CC2D2A: variants seen among roughly 807,000 people sequenced by gnomAD.
CC2D2A encodes coiled-coil and C2 domain-containing protein 2A.
Under a neutral mutation model 212.9 loss-of-function variants are expected in CC2D2A, and 155 were observed. The ratio of observed to expected loss-of-function variants is 0.73; its 90% confidence interval spans 0.64 to 0.83. The LOEUF is 0.83. Ranked by LOEUF, CC2D2A falls within the 40% of genes least tolerant of loss-of-function variation. CC2D2A has a pLI of 0.00. For synonymous variants in CC2D2A, 667 were observed against 686.5 expected, an observed-to-expected ratio of 0.97 and a Z score of 0.44; for missense variants, 1,856 against 1,956.2, an observed-to-expected ratio of 0.95 and a Z score of 0.97.
Position 15,478,754 on chromosome 4 carries a change from T to C in CC2D2A, c.71T>C (p.Met24Thr). 2 of 1,555,366 alleles carry C rather than the reference T, an allele frequency of 1.3e-6. No homozygotes were observed. The highest frequency in any genetic ancestry group is 2.4e-5 in the South Asian group (2 of 84,154). Reference protein sequence around the residue: ...EFIENDEDADMGRQNKNSKVR... With the variant: ...EFIENDEDADTGRQNKNSKVR... ...ATTGAAAATGATGAGGATGCAGACA[T>C]GGGAAGACAGAATAAGAACTCAAAG... Residue 24 changes from methionine (M) to threonine (T), a missense_variant, in exon 3 of 37, where the codon ATG becomes ACG. Met to Thr is a moderately conservative substitution (Grantham distance 81). Around this residue, in one of 5 missense-constraint regions of CC2D2A, gnomAD observed 1,512 missense variants for 1,579.3 expected, o/e 0.96. Transcript: ENST00000424120.
chr4:15,528,503 T>C (rs997358525), intron 12 of CC2D2A, 117 bp from the exon 13 acceptor site: 62 of 700,442 alleles, frequency 8.9e-5, no homozygotes, highest in Non-Finnish European at 1.5e-5. Flanking sequence ...TGCTTGAACA[T>C]CCGTTCCATT....
At chr4:15,514,523 A>AT (rs1195468031) in intron 8 of CC2D2A, among the ~76,000 whole-genome samples, 184 bp from the exon 9 acceptor site, 2 of 152,182 alleles carry the variant, frequency 1.3e-5, no homozygotes, top group African/African-American at 4.8e-5. Context: ...CTGCAAAACA[A>AT]TTTTTTTAAA....
At chr4:15,588,020 C>T (rs1720930306) in intron 32 of CC2D2A, 91 bp downstream of exon 32, 4 of 673,110 alleles carry the variant, frequency 5.9e-6, no homozygotes, top group South Asian at 4.9e-5. Context: ...ATTTTCATAA[C>T]GATCCTTTGG....
At chr4:15,521,764 C>T (rs796826347) in intron 11 of CC2D2A, among the ~76,000 whole-genome samples, 1 of 152,214 alleles carries the variant, frequency 6.6e-6, no homozygotes, top group South Asian at 2.1e-4. Context: ...GACTTTGCTG[C>T]GTGTATTAAA....
chr4:15,599,803 G>A, intron 36 of CC2D2A, 97 bp downstream of exon 36: 2 of 872,776 alleles, frequency 2.3e-6, no homozygotes, highest in Non-Finnish European at 3.3e-6. Flanking sequence ...GACCCACGTT[G>A]CTCCCAGAAG....
chr4:15,547,820 A>G (rs1425213023), intron 17 of CC2D2A, among the ~76,000 whole-genome samples: 1 of 152,058 alleles, frequency 6.6e-6, no homozygotes, highest in Admixed American at 6.6e-5. Context: ...CGGGTGGATC[A>G]CCTGAGGTTG....
Position 15,563,657 on chromosome 4 carries a change from A to T in CC2D2A, c.3182+135A>T, listed in dbSNP as rs146915064. ...GGGACTGAGGGTTCTTGCAAAGCCA[A>T]GGCCCTACTGTTTGCAAGTAATACA... On this transcript the variant is annotated intron_variant, in intron 24 of 36. Transcript: ENST00000424120. The T allele has an allele frequency of 2.8e-4, 248 of 884,036 alleles. No individual in the cohort carries two copies. The East Asian group carries it at 4.8e-3, about 17-fold the overall frequency. The allele number at this position is 884,036 out of a possible 1,614,324, so 54.8% of individuals were successfully genotyped here. A position where few individuals can be genotyped will look rare whatever the true frequency, so the allele number is the denominator to read the frequency against.
At chr4:15,514,292 G>A (rs2109011001) in intron 8 of CC2D2A, among the ~76,000 whole-genome samples, 1 of 152,336 alleles carries the variant, frequency 6.6e-6, no homozygotes, top group Non-Finnish European at 1.5e-5. Context: ...AACAGGGTGT[G>A]TGGACTGTGC....
intron 14 of CC2D2A, among the ~76,000 whole-genome samples, chr4:15,535,418 C>G (rs1718074007): frequency 6.6e-6 from 1 of 152,036 alleles, no homozygotes; most frequent in East Asian, 1.9e-4. Context: ...CCCATAAGGT[C>G]ATAACACTCC....
chr4:15,578,947 A>C (rs930720888), intron 29 of CC2D2A, among the ~76,000 whole-genome samples: 1 of 151,992 alleles, frequency 6.6e-6, no homozygotes, highest in African/African-American at 2.4e-5. Context: ...CAGCCCCCAA[A>C]ATTAATTTTT....
At chr4:15,493,748 T>C (rs1715450230) in intron 4 of CC2D2A, among the ~76,000 whole-genome samples, 1 of 152,224 alleles carries the variant, frequency 6.6e-6, no homozygotes, top group Non-Finnish European at 1.5e-5. Context: ...TTCATTTGTT[T>C]TGTTTACTGC....
intron 24 of CC2D2A, among the ~76,000 whole-genome samples, chr4:15,567,089 C>A (rs1228886202): frequency 6.6e-6 from 1 of 151,988 alleles, no homozygotes; most frequent in Admixed American, 6.6e-5. Flanking sequence ...TTGAGACCAG[C>A]CTTAGCAACA....
chr4:15,511,406 G>A lies in CC2D2A; in HGVS notation c.700G>A (p.Gly234Arg), dbSNP rs553259615. The change falls in exon 8 of 37, where the codon GGA becomes AGA. Residue 234 changes from glycine (G) to arginine (R), a missense_variant. Physicochemically the swap from Gly to Arg is moderately radical, Grantham distance 125. Around this residue, in one of 5 missense-constraint regions of CC2D2A, gnomAD observed 1,512 missense variants for 1,579.3 expected, o/e 0.96. Coordinates refer to ENST00000424120, the MANE Select transcript of CC2D2A (RefSeq NM_001378615.1). ...EGEEEEPPAQ[G>R]GGKEMDEEEL... ...GGAAGAAGAAGAACCACCTGCACAAGGAGGAGGAAAGGAAATGGTATTTAA... is the reference window on the plus strand; with the variant it reads ...GGAAGAAGAAGAACCACCTGCACAAAGAGGAGGAAAGGAAATGGTATTTAA... The A allele has an allele frequency of 4.5e-6, 7 of 1,546,576 alleles. No individual in the cohort carries two copies. In the East Asian group the frequency reaches 1.7e-4, roughly 38 times the overall value.
chr4:15,529,892 AT>A (rs150650398), intron 13 of CC2D2A, among the ~76,000 whole-genome samples: 23,589 of 142,944 alleles, frequency 0.17, 2,126 homozygotes, highest in East Asian at 0.34. Context: ...TTTAAATTTT[AT>A]TTTTTTTAAT....
intron 13 of CC2D2A, among the ~76,000 whole-genome samples, chr4:15,529,816 C>CTT (rs533868904): frequency 1.6e-5 from 2 of 121,376 alleles, no homozygotes; most frequent in Admixed American, 1.6e-4. Context: ...TAAATCGAGG[C>CTT]TTTTTTTTTT....
Position 15,586,237 on chromosome 4 carries a change from C to A in CC2D2A, c.4056C>A (p.Ser1352Arg). ...TTGGTGGTATCTGTGACCTCTGGAG[C>A]ACATCTGATGTAAGTAGTTCTTCTT... Reference protein sequence around the residue: ...VSFGGICDLWSTSDQFLDLLA... With the variant: ...VSFGGICDLWRTSDQFLDLLA... The change falls in exon 31 of 37, where the codon AGC (serine) becomes AGA (arginine). Residue 1352 changes from serine (S) to arginine (R), a missense_variant. Physicochemically the swap from Ser to Arg is moderately radical, Grantham distance 110 (BLOSUM62 -1). Around this residue, in one of 5 missense-constraint regions of CC2D2A, gnomAD observed 36 missense variants for 35.5 expected, o/e 1.02. Transcript: ENST00000424120. 1 of 1,600,580 alleles carries A rather than the reference C, an allele frequency of 6.2e-7. No individual in the cohort carries two copies. Among genetic ancestry groups the A allele is most frequent in the Non-Finnish European group, 8.5e-7 (1 of 1,171,432 alleles).
chr4:15,470,894 A>T (rs1199167180), intron 1 of CC2D2A, among the ~76,000 whole-genome samples: 1 of 152,048 alleles, frequency 6.6e-6, no homozygotes, highest in Non-Finnish European at 1.5e-5. Flanking sequence ...TGATAAGAGT[A>T]CAATGAGCTA....
At position 15,559,724 on chromosome 4, in the gene CC2D2A, G is replaced by A. The variant is rs535819468; in HGVS notation, c.2922+467G>A. Among the ~76,000 whole-genome samples the A allele has an allele frequency of 7.9e-5, 12 of 151,906 alleles. No individual in the cohort carries two copies. The South Asian group carries it at 2.5e-3, about 32-fold the overall frequency. ...ACTTAACTTGCCACAAATGCTAAGTGACTACAGTGCATTTTCCCCATCCAG... is the reference window on the plus strand; with the variant it reads ...ACTTAACTTGCCACAAATGCTAAGTAACTACAGTGCATTTTCCCCATCCAG... On this transcript the variant is annotated intron_variant, in intron 22 of 36. Coordinates refer to ENST00000424120, the MANE Select transcript of CC2D2A (RefSeq NM_001378615.1).
chr4:15,549,304 A>G (rs1414309530), intron 17 of CC2D2A, among the ~76,000 whole-genome samples: 1 of 152,222 alleles, frequency 6.6e-6, no homozygotes, highest in Non-Finnish European at 1.5e-5. Flanking sequence ...GTGTGTTTTA[A>G]GTGTGCCACT....
Sources: gnomAD v4.1 joint callset for allele counts (sites outside exome capture counted in the v4.1 genomes callset) on GRCh38, gnomAD v4.1.1 for gene constraint, gnomAD v4.1.1 regional missense constraint, MANE v1.5 for transcripts, NCBI Gene and HGNC (gene_info 2026-07-23, HGNC 2026-07-21) for gene names.